The following ST3GAL5 variants were observed in gnomAD, a reference collection of about 807,000 sequenced individuals.
ST3GAL5 encodes ST3 beta-galactoside alpha-2,3-sialyltransferase 5, also known as lactosylceramide alpha-2,3-sialyltransferase.
A neutral mutation model predicts 46.1 loss-of-function variants in ST3GAL5; 25 were observed. The ratio of observed to expected loss-of-function variants is 0.54; its 90% confidence interval spans 0.40 to 0.76. The LOEUF is 0.76. Ranked by LOEUF, ST3GAL5 falls within the 30% of genes least tolerant of loss-of-function variation. The probability of loss-of-function intolerance (pLI) is 0.00; values close to 1 mark genes in which losing one functional copy is unlikely to be tolerated. For synonymous variants in ST3GAL5, 182 were observed against 192.7 expected (o/e 0.94, Z 0.46); for missense variants, 431 against 521.2 (o/e 0.83, Z 1.69).
chr2:85,874,698 C>T (rs939945324), intron 1 of ST3GAL5, among the ~76,000 whole-genome samples: 1 of 151,970 alleles, frequency 6.6e-6, no homozygotes, highest in Non-Finnish European at 1.5e-5. Context: ...ATTTTGTTCG[C>T]TGCTGTAATC....
intron 1 of ST3GAL5, among the ~76,000 whole-genome samples, chr2:85,870,895 C>T (rs528727971): frequency 7.2e-5 from 11 of 152,166 alleles, no homozygotes; most frequent in African/African-American, 2.4e-4. Context: ...AAACTCCTGA[C>T]CTCAGGTGAT....
intron 6 of ST3GAL5, among the ~76,000 whole-genome samples, chr2:85,842,638 A>G (rs1682275964): frequency 3.3e-5 from 5 of 152,246 alleles, no homozygotes; most frequent in Admixed American, 3.3e-4. Context: ...CAGACAGATT[A>G]TAAAGCAGAA....
chr2:85,849,264 C>T (rs754224800), intron 3 of ST3GAL5: 4 of 152,036 alleles, frequency 2.6e-5, no homozygotes, highest in Admixed American at 6.6e-5. Context: ...CCCCTGTGGC[C>T]CCAGCTACAT....
At chr2:85,863,656 G>T (rs1474367882) in intron 1 of ST3GAL5, among the ~76,000 whole-genome samples, 171 bp from the exon 2 acceptor site, 1 of 151,830 alleles carries the variant, frequency 6.6e-6, no homozygotes, top group Non-Finnish European at 1.5e-5. Flanking sequence ...AATCTAGAGG[G>T]AACTATGCTG....
Position 85,838,091 on chromosome 2 carries a change from C to T in ST3GAL5, c.*2053G>A, listed in dbSNP as rs1244673001. 1 of 152,140 alleles carries T rather than the reference C, an allele frequency of 6.6e-6. No individual in the cohort carries two copies. Among genetic ancestry groups the T allele is most frequent in the Non-Finnish European group, 1.5e-5 (1 of 68,036 alleles). The allele number at this position is 152,140 out of a possible 1,614,324, so 9.4% of individuals were successfully genotyped here. On this transcript the variant is annotated 3_prime_UTR_variant, in exon 7 of 7. Transcript: ENST00000638572. ...CAGCCAACTCCTATTGGCTGGTGGA[C>T]TCTATAAAAGGTCTACAAAAATATA... is the stretch of plus-strand genomic sequence containing the variant.
intron 3 of ST3GAL5, 38 bp downstream of exon 3, chr2:85,861,143 A>T (rs895009127): frequency 1.5e-6 from 2 of 1,306,724 alleles, no homozygotes; most frequent in Middle Eastern, 2.3e-4. Context: ...TATGCTTGGC[A>T]ATGTTTTCAT....
intron 1 of ST3GAL5, among the ~76,000 whole-genome samples, chr2:85,865,025 G>A (rs1685144450): frequency 6.6e-6 from 1 of 152,204 alleles, no homozygotes; most frequent in African/African-American, 2.4e-5. Flanking sequence ...ACTCAAGGAT[G>A]GTGGAACAAC....
intron 1 of ST3GAL5, among the ~76,000 whole-genome samples, chr2:85,869,474 T>C (rs897426978): frequency 4.6e-5 from 7 of 152,160 alleles, no homozygotes; most frequent in African/African-American, 1.7e-4. Flanking sequence ...AGGAAATCCT[T>C]AAGCTACGAT....
In ST3GAL5 at chr2:85,847,856, T is replaced by C. The variant is rs1558653256; in HGVS notation, c.662+5A>G. The C allele has an allele frequency of 2.5e-6, 4 of 1,613,544 alleles. No individual in the cohort carries two copies. Among genetic ancestry groups the C allele is most frequent in the Non-Finnish European group, 3.4e-6 (4 of 1,179,928 alleles). On this transcript the variant is annotated splice_donor_5th_base_variant and intron_variant, in intron 4 of 6. Coordinates refer to ENST00000638572, the MANE Select transcript of ST3GAL5 (RefSeq NM_003896.4). ...TAAACAAACAAACAAAAAAAACCAA[T>C]GTACCTTATCACAACATCGAACTGG...
intron 3 of ST3GAL5, chr2:85,848,528 AC>A (rs1003317138): frequency 3.0e-6 from 2 of 669,292 alleles, no homozygotes; most frequent in Admixed American, 3.3e-5. Flanking sequence ...GGTGTCTAAG[AC>A]TTCATGTTTC....
At chr2:85,877,550 A>G (rs1005781097) in intron 1 of ST3GAL5, among the ~76,000 whole-genome samples, 1 of 152,250 alleles carries the variant, frequency 6.6e-6, no homozygotes, top group African/African-American at 2.4e-5. Flanking sequence ...CTCAGGAGGC[A>G]TGTGATGTTG....
intron 4 of ST3GAL5, among the ~76,000 whole-genome samples, chr2:85,847,136 A>T (rs1030429694): frequency 6.6e-6 from 1 of 152,164 alleles, no homozygotes; most frequent in African/African-American, 2.4e-5. Flanking sequence ...AGAATCTAGG[A>T]TGACTGCCTA....
chr2:85,840,307 AG>A lies in ST3GAL5; in HGVS notation c.1093del (p.Leu365SerfsTer19). 6.2e-7 allele frequency: 1 copy of A among 1,614,010 alleles called. No homozygotes were observed. Among genetic ancestry groups the A allele is most frequent in the East Asian group, 2.2e-5 (1 of 44,882 alleles). Reference protein sequence around the residue: ...EVSLAGFGYDLNQPRTPLHYF... With the variant: ...EVSLAGFGYDXNQPRTPLHYF... ...GTGCAAAGGTGTTCTGGGTTGATTG[AG>A]GTCATATCCAAAACCCGCCAAACTG... On this transcript the variant is annotated frameshift_variant, in exon 7 of 7. Coordinates refer to ENST00000638572, the MANE Select transcript of ST3GAL5 (RefSeq NM_003896.4). LOFTEE classifies it high-confidence loss of function.
intron 6 of ST3GAL5, among the ~76,000 whole-genome samples, chr2:85,842,522 T>C (rs1682257093): frequency 6.6e-6 from 1 of 152,248 alleles, no homozygotes; most frequent in Non-Finnish European, 1.5e-5. Context: ...AAGTTTCTGA[T>C]ACTGCAACTT....
At chr2:85,874,651 A>T (rs1686322844) in intron 1 of ST3GAL5, among the ~76,000 whole-genome samples, 1 of 151,806 alleles carries the variant, frequency 6.6e-6, no homozygotes, top group Admixed American at 6.6e-5. Context: ...TGCTCTCCCT[A>T]CTAAAATATA....
chr2:85,861,645 T>TA (rs3046643), intron 2 of ST3GAL5, among the ~76,000 whole-genome samples: 3,739 of 123,740 alleles, frequency 0.03, 191 homozygotes, highest in African/African-American at 0.1. Context: ...TGTCAGTCCT[T>TA]AAAAAAAAAA....
intron 3 of ST3GAL5, among the ~76,000 whole-genome samples, chr2:85,857,049 T>G (rs1684191039): frequency 8.8e-6 from 1 of 114,282 alleles, no homozygotes. Flanking sequence ...GGAAACACGG[T>G]AAGACCCTGC....
intron 1 of ST3GAL5, among the ~76,000 whole-genome samples, chr2:85,885,720 C>A (rs903966776): frequency 2.0e-5 from 3 of 151,282 alleles, no homozygotes; most frequent in Non-Finnish European, 4.4e-5. Flanking sequence ...CCCAGCTACT[C>A]GGGAAGCTGA....
chr2:85,862,148 A>G (rs1558678684), intron 2 of ST3GAL5, among the ~76,000 whole-genome samples: 2 of 152,172 alleles, frequency 1.3e-5, no homozygotes, highest in Non-Finnish European at 2.9e-5. Context: ...GAGTGTTTTA[A>G]AAACTTTAAA....
Sources: gnomAD v4.1 joint callset for allele counts (sites outside exome capture counted in the v4.1 genomes callset) on GRCh38, gnomAD v4.1.1 for gene constraint, MANE v1.5 for transcripts, NCBI Gene and HGNC (gene_info 2026-07-23, HGNC 2026-07-21) for gene names.